The following ROBO2 variants were observed in gnomAD, a reference collection of about 807,000 sequenced individuals.
ROBO2 encodes the protein roundabout guidance receptor 2, also known as roundabout homolog 2.
Under a neutral mutation model 160.8 loss-of-function variants are expected in ROBO2, and 53 were observed. The observed-to-expected ratio is 0.33, with a 90% CI of 0.26 to 0.41. The LOEUF is 0.41. Ranked by LOEUF, ROBO2 falls within the 10% of genes least tolerant of loss-of-function variation. The pLI is 1.00. For synonymous variants in ROBO2, 664 were observed against 611.7 expected (o/e 1.09, Z -1.26); for missense variants, 1,577 against 1,722.4 (o/e 0.92, Z 1.49).
chr3:76,993,654 G>A (rs72902058), intron 2 of ROBO2, among the ~76,000 whole-genome samples: 127 of 152,182 alleles, frequency 8.3e-4, no homozygotes, highest in African/African-American at 2.9e-3. Context: ...ACTCAAACAG[G>A]AAGAAGAAAA....
At chr3:76,657,183 T>G (rs1275709322) in intron 2 of ROBO2, among the ~76,000 whole-genome samples, 1 of 152,018 alleles carries the variant, frequency 6.6e-6, no homozygotes, top group South Asian at 2.1e-4. Context: ...CCCAGCACTT[T>G]GGGAAGCCGA....
chr3:76,811,678 T>C (rs1368813387), intron 2 of ROBO2, among the ~76,000 whole-genome samples: 9 of 152,044 alleles, frequency 5.9e-5, no homozygotes, highest in Non-Finnish European at 1.3e-4. Flanking sequence ...CAAGAAAGGA[T>C]TGGGAGACAG....
intron 2 of ROBO2, among the ~76,000 whole-genome samples, chr3:77,331,510 G>A (rs1276549688): frequency 6.6e-6 from 1 of 152,016 alleles, no homozygotes; most frequent in African/African-American, 2.4e-5. Context: ...CTACTTGATA[G>A]CAAAAACAAA....
At chr3:77,024,323 C>A (rs1220877198) in intron 2 of ROBO2, among the ~76,000 whole-genome samples, 1 of 152,130 alleles carries the variant, frequency 6.6e-6, no homozygotes, top group Non-Finnish European at 1.5e-5. Flanking sequence ...TCTTAGTTGT[C>A]ATGTTTATTG....
chr3:77,014,418 A>G (rs946536775), intron 2 of ROBO2, among the ~76,000 whole-genome samples: 1 of 152,216 alleles, frequency 6.6e-6, no homozygotes, highest in Non-Finnish European at 1.5e-5. Context: ...CTATGCTTGA[A>G]TAGAGATCTG....
At chr3:76,800,156 C>T (rs1448816348) in intron 2 of ROBO2, among the ~76,000 whole-genome samples, 1 of 152,178 alleles carries the variant, frequency 6.6e-6, no homozygotes, top group African/African-American at 2.4e-5. Context: ...GCTGGAAAAA[C>T]TGGATATCCA....
At chr3:77,121,493 G>A (rs1401483191) in intron 2 of ROBO2, among the ~76,000 whole-genome samples, 1 of 152,096 alleles carries the variant, frequency 6.6e-6, no homozygotes, top group Non-Finnish European at 1.5e-5. Context: ...TTTGCATCCA[G>A]CAATCTTACT....
intron 2 of ROBO2, among the ~76,000 whole-genome samples, chr3:77,296,084 A>T (rs2062067571): frequency 6.6e-6 from 1 of 151,524 alleles, no homozygotes; most frequent in South Asian, 2.1e-4. Context: ...CACCCCAGAT[A>T]TGAAGTAAAA....
chr3:77,521,914 G>A (rs2090635243), intron 5 of ROBO2, among the ~76,000 whole-genome samples: 1 of 151,142 alleles, frequency 6.6e-6, no homozygotes, highest in Admixed American at 6.6e-5. Context: ...TCTAACTGTG[G>A]TATGTATGAG....
chr3:77,417,923 A>G (rs1466536640), intron 2 of ROBO2, among the ~76,000 whole-genome samples: 1 of 151,508 alleles, frequency 6.6e-6, no homozygotes, highest in Non-Finnish European at 1.5e-5. Flanking sequence ...CTCATGTTAC[A>G]TATTTTTTAA....
At position 76,297,556 on chromosome 3, in the gene ROBO2, G is replaced by T. The variant is rs190319643; in HGVS notation, c.109+359954G>T. Among the ~76,000 whole-genome samples, 517 of 151,928 alleles carry T rather than the reference G, an allele frequency of 3.4e-3. 6 individuals carry two copies. Among genetic ancestry groups the T allele is most frequent in the Admixed American group, 0.025 (377 of 15,236 alleles). On this transcript the variant is annotated intron_variant, in intron 2 of 26. Transcript: ENST00000487694. ...AGTGTGTCATTCTTTACATACTTGA[G>T]CTTAAGTATCTCCTTTAAAAATCTC...
intron 2 of ROBO2, among the ~76,000 whole-genome samples, chr3:76,103,294 A>C (rs2069779496): frequency 6.6e-6 from 1 of 152,164 alleles, no homozygotes; most frequent in Non-Finnish European, 1.5e-5. Flanking sequence ...TTTCTTGTCT[A>C]TGTATATCAT....
intron 2 of ROBO2, among the ~76,000 whole-genome samples, chr3:76,726,087 T>A (rs576752561): frequency 1.3e-5 from 2 of 152,278 alleles, no homozygotes; most frequent in Admixed American, 1.3e-4. Context: ...ATCAGTCTGT[T>A]TTTTCTTAGT....
rs373480394 is a variant in ROBO2, at chr3:77,563,232, C to G, written c.1585C>G (p.Gln529Glu). The G allele has an allele frequency of 5.0e-6, 8 of 1,613,528 alleles. No homozygotes were observed. Among genetic ancestry groups the G allele is most frequent in the African/African-American group, 1.3e-5 (1 of 74,888 alleles). The change falls in exon 11 of 26, where the codon CAG becomes GAG. Residue 529 changes from glutamine (Q) to glutamate (E), a missense_variant. Coordinates refer to ENST00000461745, the Ensembl canonical transcript of ROBO2. ...CCTGCCAGGGCCACCATCCAAACCG[C>G]AGGTCACTGATGTTACTAAGAACAG...
chr3:77,300,255 CT>C (rs2062540301), intron 2 of ROBO2, among the ~76,000 whole-genome samples: 1 of 150,072 alleles, frequency 6.7e-6, no homozygotes, highest in Non-Finnish European at 1.5e-5. Flanking sequence ...ATTTGCTATG[CT>C]GCCTCACATA....
chr3:76,090,904 A>C (rs1320165348), intron 2 of ROBO2, among the ~76,000 whole-genome samples: 1 of 152,214 alleles, frequency 6.6e-6, no homozygotes, highest in African/African-American at 2.4e-5. Context: ...CATGCGAACA[A>C]ACTAAGTTAA....
chr3:76,543,987 T>C (rs771942157), intron 2 of ROBO2, among the ~76,000 whole-genome samples: 11 of 152,048 alleles, frequency 7.2e-5, no homozygotes, highest in Non-Finnish European at 1.3e-4. Context: ...ATGCTCTTCA[T>C]TTTCTTCTAA....
intron 1 of ROBO2, among the ~76,000 whole-genome samples, chr3:77,086,760 T>A (rs2149982660): frequency 6.6e-6 from 1 of 152,304 alleles, no homozygotes; most frequent in Non-Finnish European, 1.5e-5. Flanking sequence ...ATGAAGGCTA[T>A]AATTTTTCTG....
chr3:76,281,907 A>T (rs530166938), intron 2 of ROBO2, among the ~76,000 whole-genome samples: 4 of 152,086 alleles, frequency 2.6e-5, no homozygotes, highest in African/African-American at 9.6e-5. Flanking sequence ...TCTCTGGTCT[A>T]CACCCCTCTG....
Sources: allele counts gnomAD v4.1 joint callset (sites outside exome capture counted in the v4.1 genomes callset), GRCh38; gene constraint gnomAD v4.1.1; transcripts MANE v1.5; gene names NCBI Gene and HGNC (gene_info 2026-07-23, HGNC 2026-07-21).